AP4E1: variants seen among roughly 807,000 people sequenced by gnomAD.
The protein encoded by AP4E1 is adaptor related protein complex 4 subunit epsilon 1.
Under a neutral mutation model 128.2 loss-of-function variants are expected in AP4E1, and 56 were observed. The observed-to-expected ratio is 0.44, with a 90% CI of 0.35 to 0.55. AP4E1 has a LOEUF of 0.55. Among genes scored for constraint, AP4E1 ranks in the 20% least tolerant of loss-of-function variants. The pLI is 0.00. For missense variants in AP4E1, 1,324 were observed against 1,307.7 expected (o/e 1.01, Z -0.19); for synonymous variants, 484 against 473.1 (o/e 1.02, Z -0.30).
chr15:50,941,598 G>A, intron 9 of AP4E1, 34 bp downstream of exon 9: 1 of 1,611,036 alleles, frequency 6.2e-7, no homozygotes. Context: ...AGAAATTACA[G>A]AGATAGCTTT....
intron 8 of AP4E1, among the ~76,000 whole-genome samples, chr15:50,934,940 CAT>C (rs2063887358): frequency 6.6e-6 from 1 of 151,950 alleles, no homozygotes; most frequent in African/African-American, 2.4e-5. Flanking sequence ...ATTGAAAACA[CAT>C]ATCAATTATC....
At chr15:50,956,427 CA>C (rs768888148) in intron 13 of AP4E1, among the ~76,000 whole-genome samples, 3 of 152,154 alleles carry the variant, frequency 2.0e-5, no homozygotes, top group Non-Finnish European at 4.4e-5. Context: ...CCATAAACAC[CA>C]TTTAGGAAAG....
rs778157257 is a variant in AP4E1, at chr15:50,908,853, C to T, written c.75C>T (p.Pro25=). 8 of 1,608,248 alleles carry T rather than the reference C, an allele frequency of 5.0e-6. No individual in the cohort carries two copies. Among genetic ancestry groups the T allele is most frequent in the Non-Finnish European group, 6.8e-6 (8 of 1,178,402 alleles). ...TGCAGAACCAGCCCGGTGGTGGGCC[C>T]GCGGCCGCCAAGGCGTCCTTCTCCT... ...LFLQNQPGGG[P]AAAKASFSSR... Residue 25 remains proline (P), a synonymous_variant, in exon 1 of 21, where the codon CCC becomes CCT. Coordinates refer to ENST00000261842, the MANE Select transcript of AP4E1 (RefSeq NM_007347.5).
At chr15:50,916,901 AT>A (rs984535639) in intron 3 of AP4E1, among the ~76,000 whole-genome samples, 141 of 151,542 alleles carry the variant, frequency 9.3e-4, no homozygotes, top group Non-Finnish European at 1.6e-3. Flanking sequence ...AAAGGCAGGA[AT>A]TTTTTTTTCG....
At chr15:50,992,565 C>G (rs771092700) in intron 16 of AP4E1, among the ~76,000 whole-genome samples, 6 of 152,184 alleles carry the variant, frequency 3.9e-5, no homozygotes, top group Non-Finnish European at 7.3e-5. Flanking sequence ...CATTAGGATT[C>G]TAAATTTGGC....
chr15:50,933,919 T>C (rs2063870199), intron 7 of AP4E1, among the ~76,000 whole-genome samples: 1 of 152,094 alleles, frequency 6.6e-6, no homozygotes, highest in Non-Finnish European at 1.5e-5. Context: ...CTTTTTGAAT[T>C]TGTAAAACAT....
chr15:50,913,572 G>C (rs2063590921), intron 2 of AP4E1, among the ~76,000 whole-genome samples: 1 of 152,182 alleles, frequency 6.6e-6, no homozygotes, highest in Admixed American at 6.5e-5. Flanking sequence ...ATTGTAAAGA[G>C]AATTCTTGCA....
At chr15:50,936,243 AT>A (rs1447017748) in intron 8 of AP4E1, among the ~76,000 whole-genome samples, 1 of 152,134 alleles carries the variant, frequency 6.6e-6, no homozygotes, top group Non-Finnish European at 1.5e-5. Context: ...AAGTGTCAGA[AT>A]TTTTCCAGTA....
chr15:50,938,168 G>A (rs573896530), intron 8 of AP4E1, among the ~76,000 whole-genome samples: 1 of 152,114 alleles, frequency 6.6e-6, no homozygotes, highest in African/African-American at 2.4e-5. Flanking sequence ...CAGACACGGT[G>A]GTGTGTACCC....
At chr15:50,945,464 T>C (rs2064046594) in intron 10 of AP4E1, 1 of 772,234 alleles carries the variant, frequency 1.3e-6, no homozygotes. Flanking sequence ...ACTTTTGATA[T>C]GTGTGCACTG....
intron 15 of AP4E1, among the ~76,000 whole-genome samples, chr15:50,979,592 T>G (rs1293367507): frequency 6.6e-6 from 1 of 152,180 alleles, no homozygotes; most frequent in Non-Finnish European, 1.5e-5. Flanking sequence ...TGGCATGATC[T>G]CGACTCACTG....
chr15:50,927,270 C>A (rs1424508476), intron 5 of AP4E1, among the ~76,000 whole-genome samples: 3 of 152,134 alleles, frequency 2.0e-5, no homozygotes, highest in Admixed American at 6.5e-5. Flanking sequence ...CTTTTTGAAA[C>A]TCAGCTTTTG....
chr15:50,977,543 GAC>G (rs1277842380), intron 15 of AP4E1, among the ~76,000 whole-genome samples: 5 of 152,000 alleles, frequency 3.3e-5, no homozygotes, highest in Non-Finnish European at 5.9e-5. Context: ...TTGGTTATGA[GAC>G]AAGATATAGC....
In AP4E1 at chr15:50,935,431, G is replaced by A. The variant is rs1323914653; in HGVS notation, c.943+734G>A. Among the ~76,000 whole-genome samples, 3 of 150,056 alleles carry A rather than the reference G, an allele frequency of 2.0e-5. No individual in the cohort carries two copies. The East Asian group carries it at 5.8e-4, about 29-fold the overall frequency. ...GAGACAAGAGTAAGTTGAGGGAAGG[G>A]GGTAGAAAACTGAGAAAGTAGCCAA... On this transcript the variant is annotated intron_variant, in intron 8 of 20. Transcript: ENST00000261842.
At chr15:50,935,927 GT>G (rs1015374626) in intron 8 of AP4E1, among the ~76,000 whole-genome samples, 125 of 152,290 alleles carry the variant, frequency 8.2e-4, no homozygotes, top group African/African-American at 2.9e-3. Flanking sequence ...TGTATGAATG[GT>G]AATTAAGGTA....
At chr15:50,952,024 G>T (rs2064157484) in intron 13 of AP4E1, among the ~76,000 whole-genome samples, 1 of 151,872 alleles carries the variant, frequency 6.6e-6, no homozygotes, top group Non-Finnish European at 1.5e-5. Context: ...ACCACACCCG[G>T]CCCAGTTAAA....
chr15:50,908,467 GC>G (rs2063521324), upstream of AP4E1: 10 of 284,374 alleles, frequency 3.5e-5, no homozygotes, highest in East Asian at 7.0e-4. Context: ...ACAGGGCCAG[GC>G]CCCCGACGGC....
In AP4E1 at chr15:50,934,629, G is replaced by T. The variant is rs763213142; in HGVS notation, c.875G>T (p.Ser292Ile). 2 of 1,604,352 alleles carry T rather than the reference G, an allele frequency of 1.2e-6. No individual in the cohort carries two copies. Among genetic ancestry groups the T allele is most frequent in the Non-Finnish European group, 1.7e-6 (2 of 1,171,746 alleles). The change falls in exon 8 of 21, where the codon AGT (serine) becomes ATT (isoleucine). Residue 292 changes from serine (S) to isoleucine (I), a missense_variant. Coordinates refer to ENST00000261842, the MANE Select transcript of AP4E1 (RefSeq NM_007347.5). ...GLLGKDDQRT[S>I]ELMYDVLDES... ...ATAAAATATCTTTTAAACAGGACAA[G>T]TGAATTAATGTATGATGTTCTTGAT...
At chr15:50,920,923 C>T (rs751604166) in intron 3 of AP4E1, among the ~76,000 whole-genome samples, 3 of 152,152 alleles carry the variant, frequency 2.0e-5, no homozygotes, top group Non-Finnish European at 4.4e-5. Flanking sequence ...CTCAGCCTCC[C>T]GAGTAACTGG....
Sources: allele counts gnomAD v4.1 joint callset (sites outside exome capture counted in the v4.1 genomes callset), GRCh38; gene constraint gnomAD v4.1.1; transcripts MANE v1.5; gene names NCBI Gene and HGNC (gene_info 2026-07-23, HGNC 2026-07-21).